The following IGFL1 variants were observed in gnomAD, a reference collection of about 807,000 sequenced individuals.
The protein encoded by IGFL1 is insulin growth factor-like family member 1.
In IGFL1, 16 loss-of-function variants were observed where a neutral mutation model predicts 16.0. The ratio of observed to expected loss-of-function variants is 1.00; its 90% confidence interval spans 0.68 to 1.52. The LOEUF (loss-of-function observed/expected upper bound fraction) is 1.52. IGFL1 is among the 40% of genes most tolerant of loss of function. The probability of loss-of-function intolerance (pLI) is 0.00; values close to 1 mark genes in which losing one functional copy is unlikely to be tolerated. For missense variants in IGFL1, 149 were observed against 141.7 expected, an observed-to-expected ratio of 1.05 and a Z score of -0.26; for synonymous variants, 59 against 54.0, an observed-to-expected ratio of 1.09 and a Z score of -0.41.
At chr19:46,229,909 CA>C in intron 1 of IGFL1, 110 bp downstream of exon 1, 2 of 1,351,654 alleles carry the variant, frequency 1.5e-6, no homozygotes, top group East Asian at 2.5e-5. Flanking sequence ...CATGCCCAGC[CA>C]AATCTCCAGG....
In IGFL1 at chr19:46,230,105, C is replaced by A; in HGVS notation, c.26-3C>A. ...CCCCATCTTCCCTTTCCCTTTCCCA[C>A]AGCTGTCTTTGCCATTTTCTGCATC... On this transcript the variant is annotated splice_region_variant and splice_polypyrimidine_tract_variant and intron_variant, in intron 1 of 3. Transcript: ENST00000437936. The A allele has an allele frequency of 6.2e-7, 1 of 1,613,326 alleles. No individual in the cohort carries two copies. Among genetic ancestry groups the A allele is most frequent in the South Asian group, 1.1e-5 (1 of 91,056 alleles).
rs1014966466 is a variant in IGFL1 at position 46,231,118 on chromosome 19, C to T, written c.*288C>T. On this transcript the variant is annotated 3_prime_UTR_variant, in exon 4 of 4. Coordinates refer to ENST00000437936, the MANE Select transcript of IGFL1 (RefSeq NM_198541.2). ...ATGACCCCTATGGCCAACATCAACC[C>T]GGCACCACCCCAAGGCTGGCTGGGG... The T allele has an allele frequency of 2.6e-5, 14 of 535,194 alleles. No individual in the cohort carries two copies. The highest frequency in any genetic ancestry group is 1.1e-4 in the African/African-American group (6 of 52,744). The allele number at this position is 535,194 out of a possible 1,614,324, so 33.2% of individuals were successfully genotyped here. A position where few individuals can be genotyped will look rare whatever the true frequency, so the allele number is the denominator to read the frequency against.
At position 46,230,624 on chromosome 19, in the gene IGFL1, T is replaced by G. The variant is rs1967233126; in HGVS notation, c.323+107T>G. ...TTGTCTCCCTGTCTCTGCCCCCTGCTTCTATTCAATCCACCTCTCCCTTTC... is the reference window on the plus strand; with the variant it reads ...TTGTCTCCCTGTCTCTGCCCCCTGCGTCTATTCAATCCACCTCTCCCTTTC... On this transcript the variant is annotated intron_variant, in intron 3 of 3. Coordinates refer to ENST00000437936, the MANE Select transcript of IGFL1 (RefSeq NM_198541.2). The G allele has an allele frequency of 2.6e-6, 4 of 1,515,050 alleles. No homozygotes were observed. In the South Asian group the frequency reaches 3.5e-5, roughly 13 times the overall value. 93.9% of individuals were successfully genotyped at this position (1,515,050 alleles called of 1,614,324 possible). A position where few individuals can be genotyped will look rare whatever the true frequency, so the allele number is the denominator to read the frequency against.
intron 3 of IGFL1, 90 bp downstream of exon 3, chr19:46,230,607 C>T: frequency 6.4e-7 from 1 of 1,554,162 alleles, no homozygotes; most frequent in Non-Finnish European, 8.8e-7. Flanking sequence ...CCTTGTCTCC[C>T]TGTCTCTGCC....
intron 1 of IGFL1, 95 bp from the exon 2 acceptor site, chr19:46,230,013 C>A: frequency 6.9e-7 from 1 of 1,458,418 alleles, no homozygotes; most frequent in Non-Finnish European, 9.6e-7. Context: ...AAAGCCATAC[C>A]GAGCCCTGGT....
At chr19:46,230,238 C>T in intron 2 of IGFL1, 36 bp from the exon 3 acceptor site, 5 of 1,613,588 alleles carry the variant, frequency 3.1e-6, no homozygotes, top group African/African-American at 1.3e-5. Context: ...CCACCTGCCA[C>T]TACCTCCTGG....
rs866967751 is a variant in IGFL1 at position 46,230,139 on chromosome 19, C to T, written c.57C>T (p.Leu19=). ...AVFAIFCISR[L]LCSHGAPVAP... ...TTGCCATTTTCTGCATCTCCAGGCT[C>T]CTCTGCTCACACGGAGCCCCAGGTG... The change falls in exon 2 of 4, where the codon CTC becomes CTT. Residue 19 remains leucine, a synonymous_variant. Transcript: ENST00000437936. The T allele has an allele frequency of 6.2e-7, 1 of 1,613,964 alleles. No individual in the cohort carries two copies. Among genetic ancestry groups the T allele is most frequent in the Non-Finnish European group, 8.5e-7 (1 of 1,179,900 alleles).
In IGFL1 at chr19:46,230,376, TG is replaced by T; in HGVS notation, c.183del (p.Leu63TrpfsTer26). ...LQHCCYDDAV[V>X]PLARTQTCGN... ...CACTGTTGCTATGATGATGCCGTCGTGCCCTTGGCCAGGACCCAGACGTGTG... is the reference window on the plus strand; with the variant it reads ...CACTGTTGCTATGATGATGCCGTCGTCCCTTGGCCAGGACCCAGACGTGTG... On this transcript the variant is annotated frameshift_variant, in exon 3 of 4. Coordinates refer to ENST00000437936, the MANE Select transcript of IGFL1 (RefSeq NM_198541.2). LOFTEE classifies it high-confidence loss of function. 8.7e-6 allele frequency: 14 copies of T among 1,614,050 alleles called. No individual in the cohort carries two copies. The highest frequency in any genetic ancestry group is 1.2e-5 in the Non-Finnish European group (14 of 1,179,896).
chr19:46,230,239 T>A (rs1967227709), intron 2 of IGFL1, 35 bp from the exon 3 acceptor site: 2 of 1,613,414 alleles, frequency 1.2e-6, no homozygotes, highest in Non-Finnish European at 1.7e-6. Flanking sequence ...CACCTGCCAC[T>A]ACCTCCTGGA....
At chr19:46,229,834 C>T (rs2147059086) in intron 1 of IGFL1, 35 bp downstream of exon 1, 2 of 1,594,654 alleles carry the variant, frequency 1.3e-6, no homozygotes, top group Non-Finnish European at 1.7e-6. Flanking sequence ...CACCTGAGCC[C>T]ATCTCCAATC....
Position 46,231,114 on chromosome 19 carries a change from A to C in IGFL1, c.*284A>C, listed in dbSNP as rs982692901. 4 of 541,734 alleles carry C rather than the reference A, an allele frequency of 7.4e-6. No individual in the cohort carries two copies. The highest frequency in any genetic ancestry group is 3.1e-5 in the Admixed American group (1 of 32,674). 33.6% of individuals were successfully genotyped at this position (541,734 alleles called of 1,614,324 possible). ...CCTGATGACCCCTATGGCCAACATC[A>C]ACCCGGCACCACCCCAAGGCTGGCT... is the stretch of plus-strand genomic sequence containing the variant. On this transcript the variant is annotated 3_prime_UTR_variant, in exon 4 of 4. Transcript: ENST00000437936.
Position 46,230,535 on chromosome 19 carries a change from C to T in IGFL1, c.323+18C>T, listed in dbSNP as rs553843610. ...TGTCGCAGGTGAGTCCTGTCCCCTC[C>T]GTGGGATTGTGGGTGCAGGGTAGCT... On this transcript the variant is annotated intron_variant, in intron 3 of 3. Coordinates refer to ENST00000437936, the MANE Select transcript of IGFL1 (RefSeq NM_198541.2). The T allele has an allele frequency of 5.6e-5, 91 of 1,612,014 alleles. 1 individual carries two copies. The South Asian group carries it at 8.9e-4, about 16-fold the overall frequency.
Position 46,230,840 on chromosome 19 carries a change from A to G in IGFL1, c.*10A>G. 1 of 1,610,014 alleles carries G rather than the reference A, an allele frequency of 6.2e-7. No homozygotes were observed. The highest frequency in any genetic ancestry group is 8.5e-7 in the Non-Finnish European group (1 of 1,178,084). ...CTCCAGTGTCAGCTAATGGAACATC[A>G]GGGGAACGATGACTCCTGGATTCTC... On this transcript the variant is annotated 3_prime_UTR_variant, in exon 4 of 4. Transcript: ENST00000437936.
chr19:46,229,821 T>G (rs1601125261), intron 1 of IGFL1, 22 bp downstream of exon 1: 1 of 1,602,030 alleles, frequency 6.2e-7, no homozygotes. Flanking sequence ...AGGACCCCAT[T>G]CCCACCTGAG....
chr19:46,231,143 G>A lies in IGFL1; in HGVS notation c.*313G>A. 2.0e-6 allele frequency: 1 copy of A among 490,474 alleles called. No homozygotes were observed. Among genetic ancestry groups the A allele is most frequent in the South Asian group, 2.7e-5 (1 of 37,536 alleles). The allele number at this position is 490,474 out of a possible 1,614,324, so 30.4% of individuals were successfully genotyped here. On this transcript the variant is annotated 3_prime_UTR_variant, in exon 4 of 4. Transcript: ENST00000437936. The stretch of plus-strand genomic sequence containing the variant: ...CGGCACCACCCCAAGGCTGGCTGGG[G>A]AACCCTTCACCCTTCTGTGAGATTT...
In IGFL1 at chr19:46,230,889, G is replaced by C; in HGVS notation, c.*59G>C. On this transcript the variant is annotated 3_prime_UTR_variant, in exon 4 of 4. Coordinates refer to ENST00000437936, the MANE Select transcript of IGFL1 (RefSeq NM_198541.2). ...TCCTTCCTGGGTGGGCCTGGAGAAA[G>C]AGGCTGGTGTTACCTGAGATCTGGG... 1 of 1,544,254 alleles carries C rather than the reference G, an allele frequency of 6.5e-7. No individual in the cohort carries two copies.
At position 46,230,928 on chromosome 19, in the gene IGFL1, G is replaced by C; in HGVS notation, c.*98G>C. 8.1e-7 allele frequency: 1 copy of C among 1,234,596 alleles called. No individual in the cohort carries two copies. Among genetic ancestry groups the C allele is most frequent in the Non-Finnish European group, 1.2e-6 (1 of 855,454 alleles). 76.5% of individuals were successfully genotyped at this position (1,234,596 alleles called of 1,614,324 possible). On this transcript the variant is annotated 3_prime_UTR_variant, in exon 4 of 4. Transcript: ENST00000437936. ...CTGAGATCTGGGATGCTGAGTGGCT[G>C]TTTGGGGGCCAGAGAAACACACACT... is the stretch of plus-strand genomic sequence containing the variant.
chr19:46,229,787 G>C lies in IGFL1; in HGVS notation c.13G>C (p.Gly5Arg). The C allele has an allele frequency of 6.2e-7, 1 of 1,607,634 alleles. No homozygotes were observed. Among genetic ancestry groups the C allele is most frequent in the Non-Finnish European group, 8.5e-7 (1 of 1,177,382 alleles). The change falls in exon 1 of 4, where the codon GGC becomes CGC. Residue 5 changes from glycine (G) to arginine (R), a missense_variant. Transcript: ENST00000437936. The stretch of plus-strand genomic sequence containing the variant: ...ACCACCCAGAGCCATGGCTCCCCGA[G>C]GCTGCATCGTAGGTAAGGAGGACAG... MAPRGCIVAVFAIFC... is the reference protein window; with the variant it reads MAPRRCIVAVFAIFC...
intron 3 of IGFL1, 137 bp downstream of exon 3, chr19:46,230,654 C>T (rs1244152208): frequency 9.1e-6 from 13 of 1,421,396 alleles, no homozygotes; most frequent in East Asian, 4.6e-5. Flanking sequence ...CCTTTCCCTA[C>T]ACCTGTGTCT....
Sources: allele counts gnomAD v4.1 joint callset, GRCh38; gene constraint gnomAD v4.1.1; transcripts MANE v1.5; gene names NCBI Gene and HGNC (gene_info 2026-07-23, HGNC 2026-07-21).